Variants in SGCD observed in about 807,000 individuals in gnomAD.
SGCD encodes the protein sarcoglycan delta.
In SGCD, 18 loss-of-function variants were observed where a neutral mutation model predicts 36.6. That is an observed-to-expected ratio of 0.49 (90% CI 0.34 to 0.73). The LOEUF is 0.73. Among genes scored for constraint, SGCD ranks in the 30% least tolerant of loss-of-function variants. The pLI is 0.01. For synonymous variants in SGCD, 133 were observed against 130.6 expected, an observed-to-expected ratio of 1.02 and a Z score of -0.12; for missense variants, 387 against 346.7, an observed-to-expected ratio of 1.12 and a Z score of -0.92.
At chr5:156,472,258 CAT>C (rs1561717749) in intron 3 of SGCD, among the ~76,000 whole-genome samples, 2 of 152,072 alleles carry the variant, frequency 1.3e-5, no homozygotes, top group Non-Finnish European at 2.9e-5. Context: ...GAAATGAAAA[CAT>C]ATATCCAAAA....
At chr5:156,575,616 GA>G (rs1759910798) in intron 4 of SGCD, among the ~76,000 whole-genome samples, 1 of 152,186 alleles carries the variant, frequency 6.6e-6, no homozygotes, top group Admixed American at 6.5e-5. Flanking sequence ...GAGTCCACCA[GA>G]TGTGAGGATA....
intron 3 of SGCD, among the ~76,000 whole-genome samples, chr5:156,455,889 C>A (rs1222895405): frequency 2.0e-5 from 3 of 152,100 alleles, no homozygotes; most frequent in Non-Finnish European, 4.4e-5. Context: ...GGGGAGAATG[C>A]TGCATGACAA....
intron 1 of SGCD, among the ~76,000 whole-genome samples, chr5:156,032,666 C>A (rs1759376370): frequency 7.7e-6 from 1 of 129,224 alleles, no homozygotes; most frequent in Admixed American, 9.2e-5. Flanking sequence ...TGTAGTGAGC[C>A]ACTGCACTCC....
chr5:156,328,361 A>G (rs1767910266), intron 1 of SGCD, among the ~76,000 whole-genome samples: 1 of 152,230 alleles, frequency 6.6e-6, no homozygotes, highest in South Asian at 2.1e-4. Flanking sequence ...GGGCTTGGCC[A>G]AAAGTCTGGT....
At chr5:156,618,282 G>A (rs1414324361) in intron 6 of SGCD, among the ~76,000 whole-genome samples, 5 of 152,138 alleles carry the variant, frequency 3.3e-5, no homozygotes, top group African/African-American at 9.7e-5. Context: ...GTTATCGTTA[G>A]CAGAGATAAT....
intron 7 of SGCD, among the ~76,000 whole-genome samples, chr5:156,748,400 GTTATA>G (rs1236777022): frequency 6.6e-6 from 1 of 152,216 alleles, no homozygotes; most frequent in Non-Finnish European, 1.5e-5. Context: ...AAAAATTTCG[GTTATA>G]TTAAAGACCT....
rs536769186 is a variant in SGCD at position 156,603,020 on chromosome 5, ACTT to A, written c.502+7976_502+7978del. ...GAATAGTTTGAAAAGAATTAGTAATACTTCTTCTTTAAGTGTTTGGCAAGAAGT... is the reference window on the plus strand; with the variant it reads ...GAATAGTTTGAAAAGAATTAGTAATACTTCTTTAAGTGTTTGGCAAGAAGT... On this transcript the variant is annotated intron_variant, in intron 6 of 8. Transcript: ENST00000337851. Among the ~76,000 whole-genome samples the A allele has an allele frequency of 1.3e-4, 19 of 143,884 alleles. No individual in the cohort carries two copies. The East Asian group carries it at 1.7e-3, about 13-fold the overall frequency. 94.4% of individuals were successfully genotyped at this position (143,884 alleles called of 152,430 possible). A position where few individuals can be genotyped will look rare whatever the true frequency, so the allele number is the denominator to read the frequency against.
intron 4 of SGCD, among the ~76,000 whole-genome samples, chr5:156,509,415 G>T (rs954179844): frequency 6.6e-6 from 1 of 151,978 alleles, no homozygotes; most frequent in African/African-American, 2.4e-5. Context: ...ACAGAGCAAG[G>T]CTCCATCTCA....
At chr5:155,969,471 T>C (rs1344343717) in intron 1 of SGCD, among the ~76,000 whole-genome samples, 1 of 141,818 alleles carries the variant, frequency 7.1e-6, no homozygotes, top group East Asian at 2.1e-4. Flanking sequence ...AGCAATCAAG[T>C]TTTGGATCAT....
At chr5:155,755,313 C>A in the SGCD span, among the ~76,000 whole-genome samples, 1 of 152,130 alleles carries the variant, frequency 6.6e-6, no homozygotes, top group African/African-American at 2.4e-5. Context: ...TTCACATAAA[C>A]CACAAAAATA....
the SGCD span, among the ~76,000 whole-genome samples, chr5:155,732,875 C>A: frequency 6.6e-6 from 1 of 152,152 alleles, no homozygotes; most frequent in Non-Finnish European, 1.5e-5. Context: ...CTGCTTCCAG[C>A]CAAATAGAAA....
chr5:156,336,217 A>G (rs1768347317), intron 2 of SGCD, among the ~76,000 whole-genome samples: 1 of 152,170 alleles, frequency 6.6e-6, no homozygotes, highest in African/African-American at 2.4e-5. Flanking sequence ...TTGCTTGTCC[A>G]GTTTCCTCTG....
chr5:156,115,342 A>G (rs1159988508), intron 1 of SGCD, among the ~76,000 whole-genome samples: 1 of 152,052 alleles, frequency 6.6e-6, no homozygotes, highest in African/African-American at 2.4e-5. Context: ...TAATTTTATT[A>G]TGGGAAATTT....
At chr5:156,248,880 G>A (rs1765505909) in intron 3 of SGCD, among the ~76,000 whole-genome samples, 1 of 152,176 alleles carries the variant, frequency 6.6e-6, no homozygotes, top group Non-Finnish European at 1.5e-5. Context: ...GGGTGGGTTG[G>A]CAAGCTGATG....
At chr5:156,572,549 A>C (rs1435226766) in intron 4 of SGCD, among the ~76,000 whole-genome samples, 1 of 152,148 alleles carries the variant, frequency 6.6e-6, no homozygotes, top group Admixed American at 6.6e-5. Context: ...TTGGAGCAAA[A>C]GAGTCAATCA....
At chr5:156,563,665 A>G (rs565266986) in intron 4 of SGCD, among the ~76,000 whole-genome samples, 1 of 152,302 alleles carries the variant, frequency 6.6e-6, no homozygotes, top group South Asian at 2.1e-4. Context: ...AAGCAGCTAC[A>G]TGCATTGCTT....
At chr5:156,558,242 T>A (rs1759122333) in intron 4 of SGCD, among the ~76,000 whole-genome samples, 1 of 151,506 alleles carries the variant, frequency 6.6e-6, no homozygotes, top group Non-Finnish European at 1.5e-5. Context: ...TTGGCCAAGT[T>A]ACTTACCCTC....
intron 1 of SGCD, among the ~76,000 whole-genome samples, chr5:156,028,484 G>A (rs1759271432): frequency 6.6e-6 from 1 of 152,054 alleles, no homozygotes; most frequent in South Asian, 2.1e-4. Context: ...TAAAATGATA[G>A]CAATAATTTT....
At chr5:156,355,030 A>G (rs1473492307) in intron 3 of SGCD, among the ~76,000 whole-genome samples, 1 of 152,262 alleles carries the variant, frequency 6.6e-6, no homozygotes, top group Admixed American at 6.5e-5. Context: ...GAAGATGTCT[A>G]TTTAGTCACA....
Sources: gnomAD v4.1 joint callset for allele counts (sites outside exome capture counted in the v4.1 genomes callset) on GRCh38, gnomAD v4.1.1 for gene constraint, MANE v1.5 for transcripts, NCBI Gene and HGNC (gene_info 2026-07-23, HGNC 2026-07-21) for gene names.